DEPDC5: variants seen among roughly 807,000 people sequenced by gnomAD.
DEPDC5 encodes the protein GATOR1 complex protein DEPDC5.
A neutral mutation model predicts 217.3 loss-of-function variants in DEPDC5; 73 were observed. That is an observed-to-expected ratio of 0.34 (90% CI 0.28 to 0.41). The LOEUF is 0.41. Ranked by LOEUF, DEPDC5 falls within the 10% of genes least tolerant of loss-of-function variation. DEPDC5 has a pLI of 1.00. For synonymous variants in DEPDC5, 733 were observed against 756.7 expected (o/e 0.97, Z 0.51); for missense variants, 1,675 against 2,070.1 (o/e 0.81, Z 3.70).
intron 14 of DEPDC5, 121 bp from the exon 15 acceptor site, chr22:31,802,583 T>A: frequency 8.8e-7 from 1 of 1,141,696 alleles, no homozygotes; most frequent in Non-Finnish European, 1.2e-6. Context: ...TTAACTAGAA[T>A]GTGGCAGTTG....
At chr22:31,799,770 G>C (rs113549546) in intron 14 of DEPDC5, among the ~76,000 whole-genome samples, 4,697 of 145,870 alleles carry the variant, frequency 0.032, 85 homozygotes, top group South Asian at 0.061. Context: ...AAAGTGTTGG[G>C]ATTACAGGCA....
chr22:31,793,924 G>A (rs573089440), intron 12 of DEPDC5, among the ~76,000 whole-genome samples: 89 of 152,114 alleles, frequency 5.9e-4, no homozygotes, highest in Admixed American at 1.3e-4. Context: ...CTGTTTTTAC[G>A]GGACTTAGCA....
chr22:31,842,606 A>AGCAAATATT (rs958860918), intron 27 of DEPDC5, among the ~76,000 whole-genome samples: 1 of 151,100 alleles, frequency 6.6e-6, no homozygotes. Flanking sequence ...AAACAACATG[A>AGCAAATATT]GCAAATATTT....
intron 18 of DEPDC5, among the ~76,000 whole-genome samples, chr22:31,808,545 CT>C (rs559580225): frequency 1.2e-3 from 185 of 152,300 alleles, no homozygotes; most frequent in African/African-American, 4.3e-3. Flanking sequence ...CGTGATTCTC[CT>C]GCCTCAGCCT....
intron 20 of DEPDC5, among the ~76,000 whole-genome samples, chr22:31,812,567 G>T (rs1297087222): frequency 0.018 from 2,328 of 126,132 alleles, 122 homozygotes; most frequent in South Asian, 0.042. Context: ...TGGGACTACA[G>T]GCGCCCACCA....
intron 3 of DEPDC5, among the ~76,000 whole-genome samples, chr22:31,760,377 C>A (rs569301750): frequency 4.9e-4 from 73 of 149,854 alleles, no homozygotes; most frequent in Admixed American, 9.3e-4. Flanking sequence ...CTAATTTTTT[C>A]TATTTTTTAG....
At chr22:31,903,434 T>C (rs866158399) in intron 41 of DEPDC5, among the ~76,000 whole-genome samples, 12 of 70 alleles carry the variant, frequency 0.17, no homozygotes, top group African/African-American at 0.29. Context: ...CCCCCCCAAC[T>C]TTCCACACCT....
At chr22:31,792,956 G>C (rs2085852264) in intron 12 of DEPDC5, 139 bp downstream of exon 12, 2 of 580,338 alleles carry the variant, frequency 3.4e-6, no homozygotes, top group Non-Finnish European at 5.1e-6. Flanking sequence ...TGTGGTCCCA[G>C]CTACTTGGGA....
chr22:31,857,837 C>G, intron 32 of DEPDC5: 1 of 276,254 alleles, frequency 3.6e-6, no homozygotes, highest in Non-Finnish European at 6.8e-6. Context: ...ATCACTTGAG[C>G]CCAGGAGTTT....
At chr22:31,857,386 T>C in intron 31 of DEPDC5, 59 bp from the exon 32 acceptor site, 2 of 1,452,150 alleles carry the variant, frequency 1.4e-6, no homozygotes, top group Non-Finnish European at 1.9e-6. Context: ...TTGGCCGACA[T>C]GGATCCTTCA....
At chr22:31,760,589 G>A (rs1341605039) in intron 3 of DEPDC5, 67 bp from the exon 4 acceptor site, 15 of 1,429,278 alleles carry the variant, frequency 1.0e-5, no homozygotes, top group East Asian at 6.9e-5. Context: ...GCCTTTTGTC[G>A]GGGATGAAGG....
intron 20 of DEPDC5, among the ~76,000 whole-genome samples, chr22:31,812,533 T>C (rs1189884892): frequency 6.6e-6 from 1 of 150,520 alleles, no homozygotes; most frequent in African/African-American, 2.4e-5. Flanking sequence ...CGCACCATTC[T>C]TCTGCCTCAG....
chr22:31,806,246 T>G (rs2087524831), intron 18 of DEPDC5, 55 bp downstream of exon 18: 2 of 1,488,518 alleles, frequency 1.3e-6, no homozygotes, highest in Non-Finnish European at 9.3e-7. Context: ...AGTCTTATCT[T>G]GAGCTCCTGG....
chr22:31,767,111 A>C (rs1300358071), intron 6 of DEPDC5, among the ~76,000 whole-genome samples: 3 of 151,262 alleles, frequency 2.0e-5, no homozygotes, highest in Non-Finnish European at 2.9e-5. Flanking sequence ...GCTTTTTGCT[A>C]TACCCTCTTC....
chr22:31,874,166 T>C (rs2092928769), intron 35 of DEPDC5, 107 bp from the exon 36 acceptor site: 3 of 1,454,904 alleles, frequency 2.1e-6, no homozygotes, highest in East Asian at 2.5e-5. Context: ...CATTGCTTTA[T>C]GGTATTAAAT....
In DEPDC5 at chr22:31,843,922, T is replaced by A. The variant is rs1569084587; in HGVS notation, c.2801+110T>A. The A allele has an allele frequency of 1.0e-5, 13 of 1,260,764 alleles. 1 individual carries two copies. In the South Asian group the frequency reaches 2.4e-4, roughly 23 times the overall value. 78.1% of individuals were successfully genotyped at this position (1,260,764 alleles called of 1,614,324 possible). A position where few individuals can be genotyped will look rare whatever the true frequency, so the allele number is the denominator to read the frequency against. ...TCTCTCTCCCTTTTTCTTTTTTTTT[T>A]TCTTTGTAAAGAGACAGGGTTGACT... On this transcript the variant is annotated intron_variant, in intron 29 of 42. Coordinates refer to ENST00000651528, the MANE Select transcript of DEPDC5 (RefSeq NM_001242896.3).
In DEPDC5 at chr22:31,810,647, C is replaced by G. The variant is rs1275802105; in HGVS notation, c.1445+6C>G. 2.5e-6 allele frequency: 4 copies of G among 1,614,138 alleles called. No homozygotes were observed. The highest frequency in any genetic ancestry group is 3.4e-6 in the Non-Finnish European group (4 of 1,180,026). On this transcript the variant is annotated splice_donor_region_variant and intron_variant, in intron 20 of 42. Transcript: ENST00000651528. ...CAGTGCCTCACCACCTGCAGGTTTTCTGCCAGATTCACTTGGGGGTGCATA... is the reference window on the plus strand; with the variant it reads ...CAGTGCCTCACCACCTGCAGGTTTTGTGCCAGATTCACTTGGGGGTGCATA...
At chr22:31,766,540 T>A (rs751937171) in intron 5 of DEPDC5, 45 bp from the exon 6 acceptor site, 6 of 1,587,152 alleles carry the variant, frequency 3.8e-6, no homozygotes, top group Non-Finnish European at 5.2e-6. Context: ...GACTATAAAG[T>A]GTGGCAAAGT....
intron 40 of DEPDC5, among the ~76,000 whole-genome samples, chr22:31,901,496 A>T (rs2093648080): frequency 6.6e-6 from 1 of 152,178 alleles, no homozygotes; most frequent in Non-Finnish European, 1.5e-5. Context: ...CTGACTGCTG[A>T]GGACTTCACC....
Sources: gnomAD v4.1 joint callset for allele counts (sites outside exome capture counted in the v4.1 genomes callset) on GRCh38, gnomAD v4.1.1 for gene constraint, MANE v1.5 for transcripts, NCBI Gene and HGNC (gene_info 2026-07-23, HGNC 2026-07-21) for gene names.